The following OR4N5 variants were observed in gnomAD, a reference collection of about 807,000 sequenced individuals.
OR4N5 encodes olfactory receptor family 4 subfamily N member 5.
For synonymous variants in OR4N5, 155 were observed against 140.6 expected (o/e 1.10, Z -0.72); for missense variants, 428 against 370.0 (o/e 1.16, Z -1.29).
chr14:20,143,845 T>C lies in OR4N5; in HGVS notation c.110T>C (p.Ile37Thr), dbSNP rs772599145. The change falls in exon 3 of 3, where the codon ATC (isoleucine) becomes ACC (threonine). Residue 37 changes from isoleucine (I) to threonine (T), a missense_variant. Transcript: ENST00000641086. ...VFVLVLIFYL[I>T]ILPGNFLIIF... The stretch of plus-strand genomic sequence containing the variant: ...GTGCTAGTCTTAATTTTCTACCTTA[T>C]CATCCTCCCTGGAAATTTCCTCATC... 4.3e-6 allele frequency: 7 copies of C among 1,613,914 alleles called. No homozygotes were observed. The Admixed American group carries it at 8.3e-5, about 19-fold the overall frequency.
Sources: allele counts gnomAD v4.1 joint callset, GRCh38; gene constraint gnomAD v4.1.1; transcripts MANE v1.5; gene names NCBI Gene and HGNC (gene_info 2026-07-23, HGNC 2026-07-21).